VIT: variants seen among roughly 807,000 people sequenced by gnomAD.
VIT encodes the protein vitrin.
A neutral mutation model predicts 78.0 loss-of-function variants in VIT; 99 were observed. The observed-to-expected ratio is 1.27, with a 90% CI of 1.08 to 1.50. The LOEUF (loss-of-function observed/expected upper bound fraction) is 1.50, where lower values mean the gene tolerates loss of function less well. Ranked by LOEUF, VIT falls within the 40% of genes most tolerant of loss-of-function variation. The pLI is 0.00. For missense variants in VIT, 1,126 were observed against 875.3 expected (o/e 1.29, Z -3.61); for synonymous variants, 374 against 334.3 (o/e 1.12, Z -1.29).
chr2:36,795,392 T>C (rs2148653905), intron 12 of VIT, among the ~76,000 whole-genome samples: 1 of 150,242 alleles, frequency 6.7e-6, no homozygotes, highest in African/African-American at 2.4e-5. Flanking sequence ...TTATATTTTA[T>C]TTTATATTTT....
chr2:36,743,101 T>A lies in VIT; in HGVS notation c.120T>A (p.Thr40=). 1 of 1,614,020 alleles carries A rather than the reference T, an allele frequency of 6.2e-7. No individual in the cohort carries two copies. The highest frequency in any genetic ancestry group is 8.5e-7 in the Non-Finnish European group (1 of 1,179,918). Residue 40 remains threonine, a splice_region_variant and synonymous_variant, in exon 4 of 16, where the codon ACT becomes ACA. Transcript: ENST00000379242. ...TAKKIKRPKF[T]VPQINCDVKA... is the part of the protein sequence containing the mutation. ...TTTGACCTCATTTTGTATTCCCAGC[T>A]GTGCCTCAGATCAACTGCGATGTCA...
chr2:36,789,134 A>C (rs1439869729), intron 12 of VIT, among the ~76,000 whole-genome samples: 2 of 152,188 alleles, frequency 1.3e-5, no homozygotes, highest in African/African-American at 4.8e-5. Flanking sequence ...CACATAAGCT[A>C]ATCTATCATC....
At chr2:36,769,682 A>C (rs940314607) in intron 7 of VIT, among the ~76,000 whole-genome samples, 1 of 152,244 alleles carries the variant, frequency 6.6e-6, no homozygotes, top group Non-Finnish European at 1.5e-5. Flanking sequence ...AAAAGTATTC[A>C]TGAGAGACTT....
intron 12 of VIT, among the ~76,000 whole-genome samples, chr2:36,799,102 C>G (rs562463267): frequency 5.6e-4 from 85 of 152,288 alleles, no homozygotes; most frequent in Middle Eastern, 3.4e-3. Flanking sequence ...TTCCTGTCTT[C>G]CCTGAAGGTG....
intron 9 of VIT, among the ~76,000 whole-genome samples, chr2:36,780,087 A>C (rs564518427): frequency 6.6e-6 from 1 of 152,340 alleles, no homozygotes; most frequent in Admixed American, 6.5e-5. Context: ...TACTGAGTCC[A>C]AAAAACACCA....
chr2:36,814,290 A>G lies in VIT; in HGVS notation c.2011A>G (p.Asn671Asp), dbSNP rs1391978348. Reference protein sequence around the residue: ...DHSFFVDEFDNLHQYVPRIIQ... With the variant: ...DHSFFVDEFDDLHQYVPRIIQ... ...CTCCTTCTTTGTGGACGAGTTTGAC[A>G]ACCTCCATCAGTATGTCCCCAGGAT... Residue 671 changes from asparagine (N) to aspartate (D), a missense_variant, in exon 16 of 16, where the codon AAC (asparagine) becomes GAC (aspartate). By Grantham distance (23) the Asn-to-Asp change is conservative. Coordinates refer to ENST00000379242, the MANE Select transcript of VIT (RefSeq NM_053276.4). The G allele has an allele frequency of 5.0e-6, 8 of 1,614,052 alleles. No individual in the cohort carries two copies. The African/African-American group carries it at 1.1e-4, about 22-fold the overall frequency.
intron 4 of VIT, among the ~76,000 whole-genome samples, chr2:36,746,903 T>C (rs1668169772): frequency 6.6e-6 from 1 of 152,162 alleles, no homozygotes; most frequent in Non-Finnish European, 1.5e-5. Flanking sequence ...AGATTGTTAA[T>C]ATGAGATATT....
At chr2:36,812,127 G>C (rs1341452035) in intron 15 of VIT, among the ~76,000 whole-genome samples, 2 of 152,200 alleles carry the variant, frequency 1.3e-5, no homozygotes, top group African/African-American at 4.8e-5. Context: ...CCCAAAGCTG[G>C]CTCCTTCCAA....
chr2:36,787,381 G>C (rs576394219), intron 12 of VIT, 105 bp downstream of exon 12: 2 of 1,421,134 alleles, frequency 1.4e-6, no homozygotes, highest in African/African-American at 2.9e-5. Flanking sequence ...ACATGTCCTT[G>C]AGCACAGATT....
rs752924831 is a variant in VIT at position 36,755,064 on chromosome 2, C to T, written c.409+10C>T. 6.2e-7 allele frequency: 1 copy of T among 1,612,176 alleles called. No homozygotes were observed. The highest frequency in any genetic ancestry group is 8.5e-7 in the Non-Finnish European group (1 of 1,179,244). On this transcript the variant is annotated intron_variant, in intron 5 of 15. Coordinates refer to ENST00000379242, the MANE Select transcript of VIT (RefSeq NM_053276.4). The stretch of plus-strand genomic sequence containing the variant: ...TCCTTTATCGTCTTAGGTATGACCA[C>T]ACACTGGAGAAACGCTGCTAAACCT...
At chr2:36,702,079 T>C (rs1486052646) in intron 1 of VIT, among the ~76,000 whole-genome samples, 1 of 152,142 alleles carries the variant, frequency 6.6e-6, no homozygotes, top group African/African-American at 2.4e-5. Context: ...ATGATTTGCA[T>C]TGCATGATTT....
chr2:36,749,688 C>T (rs1293809374), intron 4 of VIT, among the ~76,000 whole-genome samples: 1 of 152,190 alleles, frequency 6.6e-6, no homozygotes, highest in African/African-American at 2.4e-5. Context: ...CACCTGTACT[C>T]CTAACTGCTG....
At chr2:36,713,744 T>C (rs1239889646) in intron 1 of VIT, among the ~76,000 whole-genome samples, 1 of 152,072 alleles carries the variant, frequency 6.6e-6, no homozygotes, top group African/African-American at 2.4e-5. Flanking sequence ...ACGTGGGGTG[T>C]AAGAGAAAGA....
At chr2:36,760,931 T>C (rs1669078539) in intron 6 of VIT, among the ~76,000 whole-genome samples, 1 of 152,096 alleles carries the variant, frequency 6.6e-6, no homozygotes, top group Non-Finnish European at 1.5e-5. Context: ...TGAGCCCTGC[T>C]GGCATGAGCC....
intron 1 of VIT, among the ~76,000 whole-genome samples, chr2:36,706,592 T>C (rs1380901321): frequency 2.6e-5 from 4 of 152,182 alleles, no homozygotes; most frequent in Admixed American, 2.0e-4. Context: ...ACCTGCAACT[T>C]GGCGCTCACA....
At chr2:36,729,275 C>T in intron 2 of VIT, 151 bp from the exon 3 acceptor site, 1 of 564,480 alleles carries the variant, frequency 1.8e-6, no homozygotes, top group Non-Finnish European at 3.1e-6. Context: ...CAGAGAGTAG[C>T]CCCATCATTA....
intron 14 of VIT, 82 bp from the exon 15 acceptor site, chr2:36,808,390 C>G: frequency 6.7e-7 from 1 of 1,489,992 alleles, no homozygotes; most frequent in Non-Finnish European, 8.9e-7. Flanking sequence ...GCTTCTTCAC[C>G]TGCCCCGGGG....
intron 3 of VIT, among the ~76,000 whole-genome samples, chr2:36,737,444 TA>T (rs985251513): frequency 1.1e-4 from 17 of 152,226 alleles, no homozygotes; most frequent in African/African-American, 3.9e-4. Context: ...ATCAGTGAGA[TA>T]AACACGATAT....
chr2:36,767,755 G>C (rs1669521754), intron 7 of VIT, among the ~76,000 whole-genome samples: 1 of 152,158 alleles, frequency 6.6e-6, no homozygotes, highest in African/African-American at 2.4e-5. Context: ...TCATGTTGAA[G>C]GTTTTATCAA....
Sources: gnomAD v4.1 joint callset for allele counts (sites outside exome capture counted in the v4.1 genomes callset) on GRCh38, gnomAD v4.1.1 for gene constraint, MANE v1.5 for transcripts, NCBI Gene and HGNC (gene_info 2026-07-23, HGNC 2026-07-21) for gene names.